The following SASS6 variants were observed in gnomAD, a reference collection of about 807,000 sequenced individuals.
SASS6 encodes spindle assembly abnormal protein 6 homolog.
A neutral mutation model predicts 94.9 loss-of-function variants in SASS6; 59 were observed. The ratio of observed to expected loss-of-function variants is 0.62; its 90% CI spans 0.50 to 0.77. The LOEUF (loss-of-function observed/expected upper bound fraction) is 0.77. SASS6 is among the 30% of genes least tolerant of loss of function. The pLI, the probability that SASS6 is intolerant of heterozygous loss-of-function variation, is 0.00. For missense variants in SASS6, 698 were observed against 734.1 expected, an observed-to-expected ratio of 0.95 and a Z score of 0.57; for synonymous variants, 264 against 270.0, an observed-to-expected ratio of 0.98 and a Z score of 0.22.
At chr1:100,101,942 A>C (rs1315884194) in intron 14 of SASS6, among the ~76,000 whole-genome samples, 1 of 152,246 alleles carries the variant, frequency 6.6e-6, no homozygotes, top group African/African-American at 2.4e-5. Context: ...TACCAGTTTC[A>C]AAGTCCTCAA....
In SASS6 at chr1:100,097,501, T is replaced by C. The variant is rs377139374; in HGVS notation, c.1674+5454A>G. 2.2e-4 allele frequency among the ~76,000 whole-genome samples: 34 copies of C among 152,306 alleles called. No homozygotes were observed. The South Asian group carries it at 5.8e-3, about 26-fold the overall frequency. On this transcript the variant is annotated intron_variant, in intron 14 of 16. Coordinates refer to ENST00000287482, the MANE Select transcript of SASS6 (RefSeq NM_194292.3). Reference sequence around the variant, plus strand: ...CTACTGACACACATTACAGCCTGGATGAACCTCAAACACAGTATACTGAGT... The same window carrying C: ...CTACTGACACACATTACAGCCTGGACGAACCTCAAACACAGTATACTGAGT...
At chr1:100,093,564 T>C (rs1302806407) in intron 14 of SASS6, among the ~76,000 whole-genome samples, 3 of 151,956 alleles carry the variant, frequency 2.0e-5, no homozygotes, top group Non-Finnish European at 4.4e-5. Flanking sequence ...AGTTTGAGAT[T>C]GGCCTGGGAA....
At position 100,122,408 on chromosome 1, in the gene SASS6, T is replaced by C; in HGVS notation, c.283A>G (p.Thr95Ala). 6.4e-7 allele frequency: 1 copy of C among 1,550,416 alleles called. No individual in the cohort carries two copies. Residue 95 changes from threonine (T) to alanine (A), a missense_variant, in exon 4 of 17, where the codon ACT (threonine) becomes GCT (alanine). Coordinates refer to ENST00000287482, the MANE Select transcript of SASS6 (RefSeq NM_194292.3). ...GGAATTTCTTTGGCATGTTCTTGAG[T>C]ACATTGCTGAAGGAGATCTATAAAT... ...QKFIDLLQQCTQEHAKEIPRF... is the reference protein window; with the variant it reads ...QKFIDLLQQCAQEHAKEIPRF...
chr1:100,124,979 G>A (rs111774758), intron 2 of SASS6, among the ~76,000 whole-genome samples: 7 of 152,260 alleles, frequency 4.6e-5, no homozygotes, highest in African/African-American at 1.4e-4. Flanking sequence ...ACCTCCTGCT[G>A]TGCAGCCTGG....
Position 100,132,896 on chromosome 1 carries a change from A to G in SASS6, c.-82T>C. 7.4e-7 allele frequency: 1 copy of G among 1,350,742 alleles called. No homozygotes were observed. The highest frequency in any genetic ancestry group is 1.4e-5 in the African/African-American group (1 of 69,110). 83.7% of individuals were successfully genotyped at this position (1,350,742 alleles called of 1,614,324 possible). A position where few individuals can be genotyped will look rare whatever the true frequency, so the allele number is the denominator to read the frequency against. On this transcript the variant is annotated 5_prime_UTR_variant, in exon 1 of 17. Transcript: ENST00000287482. ...ATTAGCCTGAGAGGTCCGGGTCCTG[A>G]TAAAGTTTGAGTTTGGCGCTCGGCT...
chr1:100,105,643 A>C (rs1338457195), intron 13 of SASS6, 124 bp downstream of exon 13: 2 of 844,084 alleles, frequency 2.4e-6, no homozygotes, highest in East Asian at 5.4e-5. Flanking sequence ...ATTTCAGTGC[A>C]ATTGTAGGAC....
At chr1:100,087,583 G>A (rs1557877569) in intron 15 of SASS6, among the ~76,000 whole-genome samples, 2 of 152,126 alleles carry the variant, frequency 1.3e-5, no homozygotes, top group Admixed American at 1.3e-4. Context: ...TGTAAACCCT[G>A]TTTAAAAAAC....
chr1:100,110,239 C>G (rs1277700504), intron 8 of SASS6, 53 bp downstream of exon 8: 23 of 1,144,614 alleles, frequency 2.0e-5, no homozygotes, highest in Non-Finnish European at 2.7e-5. Flanking sequence ...TTAAAATAAC[C>G]AAATCAAAAC....
chr1:100,119,965 G>A (rs909213130), intron 6 of SASS6, among the ~76,000 whole-genome samples: 2 of 152,182 alleles, frequency 1.3e-5, no homozygotes, highest in African/African-American at 2.4e-5. Flanking sequence ...ATGAACTAGG[G>A]CAGAAATGTT....
chr1:100,109,793 A>G (rs1653167321), intron 8 of SASS6, among the ~76,000 whole-genome samples: 3 of 152,130 alleles, frequency 2.0e-5, no homozygotes, highest in African/African-American at 2.4e-5. Flanking sequence ...CCTACCTTAA[A>G]TAACTGTTGT....
At position 100,107,885 on chromosome 1, in the gene SASS6, T is replaced by G. The variant is rs1444389130; in HGVS notation, c.981A>C (p.Leu327Phe). 1.2e-6 allele frequency: 2 copies of G among 1,612,924 alleles called. No homozygotes were observed. The highest frequency in any genetic ancestry group is 1.7e-6 in the Non-Finnish European group (2 of 1,179,162). The change falls in exon 9 of 17, where the codon TTA becomes TTC. Residue 327 changes from leucine (L) to phenylalanine (F), a missense_variant. Leu to Phe is a conservative substitution (Grantham distance 22, BLOSUM62 0). Transcript: ENST00000287482. Reference protein sequence around the residue: ...VNQLQTKVAVLEQEIKDKDQL... With the variant: ...VNQLQTKVAVFEQEIKDKDQL... Reference sequence around the variant, plus strand: ...GGTCCTTATCCTTGATTTCCTGTTCTAAAACTGCCACTTTTGTTTGTAGCT... The same window carrying G: ...GGTCCTTATCCTTGATTTCCTGTTCGAAAACTGCCACTTTTGTTTGTAGCT...
At chr1:100,115,832 A>G (rs931471853) in intron 7 of SASS6, among the ~76,000 whole-genome samples, 1 of 152,200 alleles carries the variant, frequency 6.6e-6, no homozygotes, top group Non-Finnish European at 1.5e-5. Flanking sequence ...AAAAATAAAA[A>G]TGAAATAAAA....
intron 7 of SASS6, among the ~76,000 whole-genome samples, chr1:100,113,643 C>T (rs1653559065): frequency 6.9e-6 from 1 of 145,782 alleles, no homozygotes; most frequent in Non-Finnish European, 1.5e-5. Flanking sequence ...GAAAATCAAG[C>T]CAAAAAAAAA....
In SASS6 at chr1:100,103,004, G is replaced by T; in HGVS notation, c.1625C>A (p.Pro542His). The T allele has an allele frequency of 6.2e-7, 1 of 1,611,388 alleles. No individual in the cohort carries two copies. Residue 542 changes from proline (P) to histidine (H), a missense_variant, in exon 14 of 17, where the codon CCT becomes CAT. Coordinates refer to ENST00000287482, the MANE Select transcript of SASS6 (RefSeq NM_194292.3). ...GGTATTTTTGGCAGATATCGAATGA[G>T]GGAAGGTATTCTGGAATGCAAATGC... Reference protein sequence around the residue: ...SSAFAFQNTFPHSISAKNTSH... With the variant: ...SSAFAFQNTFHHSISAKNTSH...
chr1:100,131,648 C>T (rs1274565782), intron 1 of SASS6, among the ~76,000 whole-genome samples: 1 of 152,162 alleles, frequency 6.6e-6, no homozygotes. Flanking sequence ...TCAACTAAAC[C>T]TACAGATCTC....
intron 14 of SASS6, among the ~76,000 whole-genome samples, chr1:100,092,664 C>A (rs1218357473): frequency 2.0e-5 from 3 of 152,114 alleles, no homozygotes; most frequent in Admixed American, 2.0e-4. Flanking sequence ...CAACCTCCGC[C>A]TCCCGAGTTC....
intron 1 of SASS6, among the ~76,000 whole-genome samples, chr1:100,128,979 C>G (rs1436318780): frequency 6.6e-6 from 1 of 152,142 alleles, no homozygotes; most frequent in Non-Finnish European, 1.5e-5. Flanking sequence ...TGGCTCACAT[C>G]TGTAATCCCA....
intron 7 of SASS6, among the ~76,000 whole-genome samples, chr1:100,115,818 T>G (rs567148951): frequency 6.6e-6 from 1 of 152,172 alleles, no homozygotes; most frequent in South Asian, 2.1e-4. Context: ...AGACCCTACC[T>G]CTAAAAAATA....
chr1:100,084,705 T>C lies in SASS6; in HGVS notation c.*623A>G, dbSNP rs1651107031. Reference sequence around the variant, plus strand: ...GACAAAAGCACTTAATCTGGTCACATAAAAACTGTCCAAATTATTTTAAGT... The same window carrying C: ...GACAAAAGCACTTAATCTGGTCACACAAAAACTGTCCAAATTATTTTAAGT... On this transcript the variant is annotated 3_prime_UTR_variant, in exon 17 of 17. Coordinates refer to ENST00000287482, the MANE Select transcript of SASS6 (RefSeq NM_194292.3). 6.6e-6 allele frequency: 1 copy of C among 152,134 alleles called. No homozygotes were observed. The highest frequency in any genetic ancestry group is 6.6e-5 in the Admixed American group (1 of 15,266). The allele number at this position is 152,134 out of a possible 1,614,324, so 9.4% of individuals were successfully genotyped here. A position where few individuals can be genotyped will look rare whatever the true frequency, so the allele number is the denominator to read the frequency against.
Sources: allele counts gnomAD v4.1 joint callset (sites outside exome capture counted in the v4.1 genomes callset), GRCh38; gene constraint gnomAD v4.1.1; transcripts MANE v1.5; gene names NCBI Gene and HGNC (gene_info 2026-07-23, HGNC 2026-07-21).